The following ACTR3C variants were observed in gnomAD, a reference collection of about 807,000 sequenced individuals.
The protein encoded by ACTR3C is actin-related protein 3C.
In ACTR3C, 18 loss-of-function variants were observed where a neutral mutation model predicts 26.3. That is an observed-to-expected ratio of 0.68 (90% CI 0.47 to 1.01). The LOEUF (loss-of-function observed/expected upper bound fraction) is 1.01, where lower values mean the gene tolerates loss of function less well. Ranked by LOEUF, ACTR3C falls within the 50% of genes least tolerant of loss-of-function variation. ACTR3C has a pLI of 0.00. For missense variants in ACTR3C, 184 were observed against 250.7 expected (o/e 0.73, Z 1.80); for synonymous variants, 55 against 94.5 (o/e 0.58, Z 2.42).
At chr7:150,145,173 G>A in the ACTR3C span, among the ~76,000 whole-genome samples, 2 of 152,094 alleles carry the variant, frequency 1.3e-5, no homozygotes, top group Non-Finnish European at 2.9e-5. Flanking sequence ...ATATAAGGGT[G>A]CTAACTTGGG....
the ACTR3C span, among the ~76,000 whole-genome samples, chr7:150,032,319 G>C: frequency 6.6e-6 from 1 of 152,208 alleles, no homozygotes; most frequent in Non-Finnish European, 1.5e-5. Flanking sequence ...CTCTTGTAAG[G>C]AAAAGGCATT....
the ACTR3C span, among the ~76,000 whole-genome samples, chr7:150,042,353 G>A: frequency 2.3e-5 from 2 of 85,732 alleles, no homozygotes; most frequent in Non-Finnish European, 2.2e-5. Flanking sequence ...GGGTGCCTCC[G>A]CCCCCAGCGA....
chr7:150,315,841 TTC>T lies in ACTR3C; in HGVS notation c.-52+7626_-52+7627del, dbSNP rs201660358. Among the ~76,000 whole-genome samples, 887 of 152,340 alleles carry T rather than the reference TTC, an allele frequency of 5.8e-3. 9 individuals are homozygous for T. The highest frequency in any genetic ancestry group is 0.02 in the African/African-American group (846 of 41,574). On this transcript the variant is annotated intron_variant, in intron 1 of 7. Coordinates refer to ENST00000683684, the MANE Select transcript of ACTR3C (RefSeq NM_001164458.2). ...CTCCCAACACTATACTTTTTTTTTT[TTC>T]ACTTAACGATGTATCCTGAAAAGTC...
chr7:150,138,606 C>A, the ACTR3C span, among the ~76,000 whole-genome samples: 2 of 152,272 alleles, frequency 1.3e-5, no homozygotes, highest in Non-Finnish European at 2.9e-5. Flanking sequence ...AACAAGACAG[C>A]CTTTCCCAGC....
the ACTR3C span, among the ~76,000 whole-genome samples, chr7:150,152,550 TA>T: frequency 7.2e-5 from 11 of 152,322 alleles, no homozygotes; most frequent in Non-Finnish European, 1.5e-4. Flanking sequence ...GCCAGTATTT[TA>T]TTGAGGATTT....
the ACTR3C span, among the ~76,000 whole-genome samples, chr7:150,050,757 G>C: frequency 6.6e-6 from 1 of 152,020 alleles, no homozygotes; most frequent in African/African-American, 2.4e-5. Context: ...ATTGAAAAGC[G>C]CTTGGCTATA....
the ACTR3C span, among the ~76,000 whole-genome samples, chr7:150,166,562 G>A: frequency 1.3e-5 from 2 of 150,706 alleles, no homozygotes; most frequent in African/African-American, 5.0e-5. Flanking sequence ...AGCCTGGCAC[G>A]GTGGTGCATG....
the ACTR3C span, among the ~76,000 whole-genome samples, chr7:150,030,753 C>G: frequency 6.6e-6 from 1 of 152,114 alleles, no homozygotes. Context: ...CCACACACCC[C>G]TCCCACCACT....
At chr7:150,137,411 G>A in the ACTR3C span, among the ~76,000 whole-genome samples, 2 of 152,200 alleles carry the variant, frequency 1.3e-5, no homozygotes, top group African/African-American at 2.4e-5. Flanking sequence ...CACGTGGCAG[G>A]TGCTCGGGAA....
the ACTR3C span, among the ~76,000 whole-genome samples, chr7:150,019,950 G>C: frequency 2.6e-4 from 40 of 152,226 alleles, no homozygotes; most frequent in African/African-American, 9.6e-4. Flanking sequence ...GGACAAGCTC[G>C]TTGCAGAGGT....
the ACTR3C span, among the ~76,000 whole-genome samples, chr7:150,017,497 C>A: frequency 6.7e-6 from 1 of 150,068 alleles, no homozygotes; most frequent in Admixed American, 6.6e-5. Context: ...TAGAGCAGAG[C>A]GGGGCAAGAA....
At chr7:150,260,106 C>T (rs6960382) in intron 6 of ACTR3C, among the ~76,000 whole-genome samples, 3,345 of 152,230 alleles carry the variant, frequency 0.022, 111 homozygotes, top group African/African-American at 0.076. Flanking sequence ...GTATATATTG[C>T]CTATAACTGT....
the ACTR3C span, among the ~76,000 whole-genome samples, chr7:150,016,460 T>C: frequency 6.6e-6 from 1 of 152,068 alleles, no homozygotes; most frequent in Non-Finnish European, 1.5e-5. Flanking sequence ...AATGAGGGGA[T>C]GGCCAATCCC....
At chr7:150,005,275 T>C in the ACTR3C span, among the ~76,000 whole-genome samples, 1 of 152,172 alleles carries the variant, frequency 6.6e-6, no homozygotes, top group Non-Finnish European at 1.5e-5. Flanking sequence ...AACCCCTTTC[T>C]GCATAAGCAC....
At chr7:150,069,524 TGAA>T in the ACTR3C span, among the ~76,000 whole-genome samples, 1 of 152,122 alleles carries the variant, frequency 6.6e-6, no homozygotes, top group Admixed American at 6.5e-5. Context: ...GCTTTCAGTG[TGAA>T]GAAGAAGGGA....
At chr7:150,308,775 G>A (rs1796030925) in intron 1 of ACTR3C, among the ~76,000 whole-genome samples, 1 of 152,046 alleles carries the variant, frequency 6.6e-6, no homozygotes, top group Non-Finnish European at 1.5e-5. Context: ...TTCATTCCAT[G>A]ACTAGCTCTC....
rs1286336211 is a variant in ACTR3C at position 150,248,978 on chromosome 7, A to G, written c.*8T>C. ...ATAAAAGGCTACGCATGGGCTCAAT[A>G]TATCATCTCAATGAAATGGAGGTGA... On this transcript the variant is annotated 3_prime_UTR_variant, in exon 7 of 8. Coordinates refer to ENST00000683684, the MANE Select transcript of ACTR3C (RefSeq NM_001164458.2). The G allele has an allele frequency of 3.0e-6, 2 of 667,514 alleles. No individual in the cohort carries two copies. The highest frequency in any genetic ancestry group is 3.3e-5 in the South Asian group (2 of 61,028). The allele number at this position is 667,514 out of a possible 1,614,324, so 41.3% of individuals were successfully genotyped here. A position where few individuals can be genotyped will look rare whatever the true frequency, so the allele number is the denominator to read the frequency against.
the ACTR3C span, among the ~76,000 whole-genome samples, chr7:150,150,562 CT>C: frequency 8.7e-6 from 1 of 115,156 alleles, no homozygotes; most frequent in Non-Finnish European, 2.0e-5. Context: ...GATTCCTCTA[CT>C]GGGATATGTT....
At chr7:149,949,012 A>T in the ACTR3C span, among the ~76,000 whole-genome samples, 4 of 149,140 alleles carry the variant, frequency 2.7e-5, no homozygotes, top group South Asian at 8.4e-4. Flanking sequence ...GCTGTAAAAA[A>T]AATCAAATAC....
Sources: gnomAD v4.1 joint callset for allele counts (sites outside exome capture counted in the v4.1 genomes callset) on GRCh38, gnomAD v4.1.1 for gene constraint, MANE v1.5 for transcripts, NCBI Gene and HGNC (gene_info 2026-07-23, HGNC 2026-07-21) for gene names.